CHST11: variants seen among roughly 807,000 people sequenced by gnomAD.
CHST11 encodes the protein carbohydrate sulfotransferase 11.
CHST11 carries 9 observed loss-of-function variants against 30.4 expected under a neutral mutation model. That is an observed-to-expected ratio of 0.30 (90% CI 0.18 to 0.52). The LOEUF is 0.52. Among genes scored for constraint, CHST11 ranks in the 20% least tolerant of loss-of-function variants. The probability of loss-of-function intolerance (pLI) is 0.97; values close to 1 mark genes in which losing one functional copy is unlikely to be tolerated. For missense variants in CHST11, 348 were observed against 460.6 expected (o/e 0.76, Z 2.24); for synonymous variants, 152 against 187.8 (o/e 0.81, Z 1.56).
At chr12:104,754,703 A>G (rs1419797128) in intron 2 of CHST11, among the ~76,000 whole-genome samples, 1 of 152,194 alleles carries the variant, frequency 6.6e-6, no homozygotes, top group Non-Finnish European at 1.5e-5. Context: ...GGGAATGCAC[A>G]TCGGGGGATA....
intron 2 of CHST11, among the ~76,000 whole-genome samples, chr12:104,643,609 T>C (rs2039398408): frequency 6.6e-6 from 1 of 150,560 alleles, no homozygotes; most frequent in South Asian, 2.1e-4. Context: ...TTTGAGGAAC[T>C]TAAGAGGACA....
intron 2 of CHST11, among the ~76,000 whole-genome samples, chr12:104,696,108 A>G (rs954260862): frequency 1.3e-5 from 2 of 152,154 alleles, no homozygotes; most frequent in Non-Finnish European, 1.5e-5. Context: ...TTAACTCGCC[A>G]TCTGCATGCT....
chr12:104,711,678 G>A (rs1230916883), intron 2 of CHST11, among the ~76,000 whole-genome samples: 1 of 151,822 alleles, frequency 6.6e-6, no homozygotes, highest in Non-Finnish European at 1.5e-5. Flanking sequence ...AAGTAGAGGT[G>A]ACAGCCAGAT....
At chr12:104,594,744 T>C (rs1176328539) in intron 1 of CHST11, among the ~76,000 whole-genome samples, 1 of 152,116 alleles carries the variant, frequency 6.6e-6, no homozygotes, top group Non-Finnish European at 1.5e-5. Context: ...ATTGCTTGAA[T>C]GCAGGAGTTC....
chr12:104,645,052 A>G (rs551149319), intron 2 of CHST11, among the ~76,000 whole-genome samples: 1 of 152,076 alleles, frequency 6.6e-6, no homozygotes, highest in South Asian at 2.1e-4. Context: ...GATTCACGCC[A>G]TTCTCCTGCC....
chr12:104,489,859 C>G (rs2037728645), intron 1 of CHST11, among the ~76,000 whole-genome samples: 1 of 152,188 alleles, frequency 6.6e-6, no homozygotes. Context: ...GGCCTGTGGC[C>G]TCCAGTATTT....
At chr12:104,476,478 A>G (rs972172226) in intron 1 of CHST11, among the ~76,000 whole-genome samples, 1 of 152,110 alleles carries the variant, frequency 6.6e-6, no homozygotes, top group Non-Finnish European at 1.5e-5. Context: ...CTCTGACAAC[A>G]CTGTAATATT....
chr12:104,725,840 A>G (rs976179888), intron 2 of CHST11, among the ~76,000 whole-genome samples: 1 of 152,118 alleles, frequency 6.6e-6, no homozygotes, highest in Non-Finnish European at 1.5e-5. Flanking sequence ...GGGCAGGTTC[A>G]TCACTCACCA....
At chr12:104,536,267 C>CT (rs1487850861) in intron 1 of CHST11, among the ~76,000 whole-genome samples, 3 of 151,530 alleles carry the variant, frequency 2.0e-5, no homozygotes, top group African/African-American at 7.2e-5. Flanking sequence ...ACTTAATTTA[C>CT]TTTAAGTCTG....
intron 1 of CHST11, among the ~76,000 whole-genome samples, chr12:104,575,000 T>C (rs142951801): frequency 1.6e-4 from 24 of 152,214 alleles, no homozygotes; most frequent in African/African-American, 5.3e-4. Flanking sequence ...AAGACCAGCC[T>C]GGCCAACATG....
At chr12:104,724,158 A>G (rs527546578) in intron 2 of CHST11, among the ~76,000 whole-genome samples, 1 of 152,340 alleles carries the variant, frequency 6.6e-6, no homozygotes, top group African/African-American at 2.4e-5. Flanking sequence ...AGTCCTAAAC[A>G]GAGAAAATAG....
chr12:104,565,364 T>C (rs1288367381), intron 1 of CHST11, among the ~76,000 whole-genome samples: 2 of 148,808 alleles, frequency 1.3e-5, no homozygotes, highest in Admixed American at 1.4e-4. Context: ...CCTCCCAGGT[T>C]CAAGCGATTC....
intron 2 of CHST11, among the ~76,000 whole-genome samples, chr12:104,657,954 A>C (rs2039561612): frequency 6.6e-6 from 1 of 152,184 alleles, no homozygotes. Context: ...GGGATTTTGA[A>C]GGTAGCAGGG....
At chr12:104,608,228 A>G (rs1370150733) in intron 2 of CHST11, among the ~76,000 whole-genome samples, 1 of 152,124 alleles carries the variant, frequency 6.6e-6, no homozygotes, top group South Asian at 2.1e-4. Flanking sequence ...AAGATGACCT[A>G]TAACTTGCGA....
intron 2 of CHST11, among the ~76,000 whole-genome samples, chr12:104,652,087 G>C (rs2039495239): frequency 6.6e-6 from 1 of 152,180 alleles, no homozygotes; most frequent in Non-Finnish European, 1.5e-5. Context: ...TGGCTTGTGT[G>C]ACTGTCCCTA....
chr12:104,525,275 G>C (rs904249076), intron 1 of CHST11, among the ~76,000 whole-genome samples: 5 of 152,146 alleles, frequency 3.3e-5, no homozygotes, highest in Admixed American at 3.3e-4. Flanking sequence ...ACAAGCATGA[G>C]CCACTGCTCC....
chr12:104,557,074 TCTTAA>T (rs2038464778), intron 1 of CHST11, among the ~76,000 whole-genome samples: 2 of 152,132 alleles, frequency 1.3e-5, no homozygotes, highest in African/African-American at 2.4e-5. Context: ...TATGACCTTA[TCTTAA>T]CTTGATGACA....
chr12:104,711,427 T>C (rs2040086927), intron 2 of CHST11, among the ~76,000 whole-genome samples: 1 of 152,200 alleles, frequency 6.6e-6, no homozygotes. Flanking sequence ...GAATTAGAAA[T>C]GATCCCTCCT....
Position 104,756,986 on chromosome 12 carries a change from G to T in CHST11, c.242G>T (p.Arg81Leu). The change falls in exon 3 of 3, where the codon CGG becomes CTG. Residue 81 changes from arginine (R) to leucine (L), a missense_variant. Transcript: ENST00000303694. ...AACACTGCTGTCCTGCACCAGATGCGGCGGGACCAGGTGACAGACACGTGC... is the reference window on the plus strand; with the variant it reads ...AACACTGCTGTCCTGCACCAGATGCTGCGGGACCAGGTGACAGACACGTGC... ...LSNTAVLHQM[R>L]RDQVTDTCRA... The T allele has an allele frequency of 3.1e-6, 5 of 1,610,892 alleles. No homozygotes were observed. Among genetic ancestry groups the T allele is most frequent in the Non-Finnish European group, 4.2e-6 (5 of 1,178,012 alleles).
Sources: allele counts gnomAD v4.1 joint callset (sites outside exome capture counted in the v4.1 genomes callset), GRCh38; gene constraint gnomAD v4.1.1; transcripts MANE v1.5; gene names NCBI Gene and HGNC (gene_info 2026-07-23, HGNC 2026-07-21).